TIAM1: variants seen among roughly 807,000 people sequenced by gnomAD.
The protein encoded by TIAM1 is TIAM Rac1 associated GEF 1.
Under a neutral mutation model 163.5 loss-of-function variants are expected in TIAM1, and 65 were observed. That is an observed-to-expected ratio of 0.40 (90% CI 0.33 to 0.49). The LOEUF is 0.49. TIAM1 is among the 20% of genes least tolerant of loss of function. The pLI is 0.77. For synonymous variants in TIAM1, 833 were observed against 810.1 expected (o/e 1.03, Z -0.48); for missense variants, 1,789 against 2,044.7 (o/e 0.87, Z 2.41).
intron 2 of TIAM1, among the ~76,000 whole-genome samples, chr21:31,451,665 G>C (rs1217167265): frequency 1.3e-5 from 2 of 151,566 alleles, no homozygotes; most frequent in Non-Finnish European, 2.9e-5. Context: ...TAGAGAAAAG[G>C]ATGGACAATT....
chr21:31,423,700 TAAAAAAAA>T (rs200137644), intron 2 of TIAM1, among the ~76,000 whole-genome samples: 2,993 of 48,428 alleles, frequency 0.062, 72 homozygotes, highest in Middle Eastern at 0.15. Flanking sequence ...TAGAAAGTTG[TAAAAAAAA>T]AAAAAAAAAA....
intron 2 of TIAM1, among the ~76,000 whole-genome samples, chr21:31,376,791 C>T (rs1321486640): frequency 2.0e-5 from 3 of 151,874 alleles, no homozygotes. Flanking sequence ...AGTGATGGAG[C>T]TCCAATCTAG....
intron 13 of TIAM1, among the ~76,000 whole-genome samples, chr21:31,190,928 G>C (rs1446943044): frequency 1.3e-5 from 2 of 152,178 alleles, no homozygotes; most frequent in African/African-American, 4.8e-5. Context: ...TACTTGTACT[G>C]AACTCAGTAT....
chr21:31,452,326 C>T, intron 2 of TIAM1: 1 of 205,730 alleles, frequency 4.9e-6, no homozygotes, highest in Non-Finnish European at 9.6e-6. Flanking sequence ...ATAGTCCCAG[C>T]TACTCGGGAG....
chr21:31,479,410 C>T (rs990728403), intron 1 of TIAM1, among the ~76,000 whole-genome samples: 1 of 149,740 alleles, frequency 6.7e-6, no homozygotes, highest in Non-Finnish European at 1.5e-5. Context: ...GACGGAGGGG[C>T]GGGCGGATGG....
At chr21:31,417,382 G>A (rs986762877) in intron 2 of TIAM1, among the ~76,000 whole-genome samples, 16 of 152,180 alleles carry the variant, frequency 1.1e-4, no homozygotes, top group Admixed American at 2.6e-4. Context: ...CATGGCTGGG[G>A]AGGCCTCACA....
chr21:31,410,220 G>A (rs1302402462), intron 2 of TIAM1, among the ~76,000 whole-genome samples: 1 of 152,010 alleles, frequency 6.6e-6, no homozygotes, highest in African/African-American at 2.4e-5. Flanking sequence ...GTGTGAGACT[G>A]CATTATGTGA....
At chr21:31,156,891 T>C (rs948656013) in intron 16 of TIAM1, among the ~76,000 whole-genome samples, 2 of 152,246 alleles carry the variant, frequency 1.3e-5, no homozygotes, top group Admixed American at 1.3e-4. Context: ...CCTCGCTTTA[T>C]ACCATCCTTT....
chr21:31,343,622 C>T (rs1321562764), intron 1 of TIAM1, among the ~76,000 whole-genome samples: 2 of 152,148 alleles, frequency 1.3e-5, no homozygotes, highest in Non-Finnish European at 2.9e-5. Flanking sequence ...CATCCAGGTG[C>T]GGTCGGGAGC....
At chr21:31,472,626 A>G (rs1336448519) in intron 1 of TIAM1, among the ~76,000 whole-genome samples, 5 of 152,240 alleles carry the variant, frequency 3.3e-5, no homozygotes, top group African/African-American at 9.6e-5. Flanking sequence ...TCCAAGGACC[A>G]TTAACAAAGA....
chr21:31,472,610 T>C (rs2045784609), intron 1 of TIAM1, among the ~76,000 whole-genome samples: 1 of 152,208 alleles, frequency 6.6e-6, no homozygotes, highest in Non-Finnish European at 1.5e-5. Flanking sequence ...CATGTTTCAG[T>C]GAGTTTCCAA....
intron 3 of TIAM1, among the ~76,000 whole-genome samples, chr21:31,267,730 C>T (rs1297978952): frequency 2.6e-5 from 4 of 151,340 alleles, no homozygotes; most frequent in African/African-American, 9.7e-5. Flanking sequence ...TGGGGATGGG[C>T]AAAACAAAAT....
intron 1 of TIAM1, among the ~76,000 whole-genome samples, chr21:31,476,934 T>C (rs1287774096): frequency 6.6e-6 from 1 of 152,248 alleles, no homozygotes; most frequent in East Asian, 1.9e-4. Context: ...AGTTTTGCTC[T>C]AGATACTTTC....
At chr21:31,196,067 G>A (rs1205662694) in intron 12 of TIAM1, among the ~76,000 whole-genome samples, 9 of 152,050 alleles carry the variant, frequency 5.9e-5, no homozygotes, top group African/African-American at 2.2e-4. Context: ...ACTTAAATCA[G>A]CAAAAAGTGA....
chr21:31,257,547 T>G (rs1288487209), intron 4 of TIAM1, among the ~76,000 whole-genome samples: 3 of 151,814 alleles, frequency 2.0e-5, no homozygotes, highest in Non-Finnish European at 4.4e-5. Context: ...AGAGACTCAG[T>G]TTTTTCTCTT....
At chr21:31,468,254 T>A (rs375152271) in intron 1 of TIAM1, among the ~76,000 whole-genome samples, 1 of 151,708 alleles carries the variant, frequency 6.6e-6, no homozygotes, top group East Asian at 2.0e-4. Flanking sequence ...GGCAGGCGGA[T>A]CACTGGAGGT....
At chr21:31,257,494 TAC>T (rs1466227304) in intron 4 of TIAM1, among the ~76,000 whole-genome samples, 1 of 152,156 alleles carries the variant, frequency 6.6e-6, no homozygotes, top group Non-Finnish European at 1.5e-5. Flanking sequence ...GCTTATACCT[TAC>T]AGTCATCCCT....
chr21:31,365,627 G>A (rs536756874), intron 2 of TIAM1, among the ~76,000 whole-genome samples: 17 of 151,586 alleles, frequency 1.1e-4, no homozygotes, highest in Non-Finnish European at 1.9e-4. Context: ...TCCTGACCTC[G>A]TGATCCACCT....
intron 6 of TIAM1, among the ~76,000 whole-genome samples, chr21:31,228,352 A>T (rs946133526): frequency 2.0e-5 from 3 of 151,112 alleles, no homozygotes; most frequent in African/African-American, 7.3e-5. Context: ...CACTGGCTGG[A>T]AAGTAAACTT....
Sources: gnomAD v4.1 joint callset for allele counts (sites outside exome capture counted in the v4.1 genomes callset) on GRCh38, gnomAD v4.1.1 for gene constraint, MANE v1.5 for transcripts, NCBI Gene and HGNC (gene_info 2026-07-23, HGNC 2026-07-21) for gene names.